The following TPPP variants were observed in gnomAD, a reference collection of about 807,000 sequenced individuals.
The protein encoded by TPPP is tubulin polymerization promoting protein.
Under a neutral mutation model 15.5 loss-of-function variants are expected in TPPP, and 6 were observed. The ratio of observed to expected loss-of-function variants is 0.39; its 90% CI spans 0.21 to 0.77. The LOEUF (loss-of-function observed/expected upper bound fraction) is 0.77. TPPP is among the 30% of genes least tolerant of loss of function. The probability of loss-of-function intolerance (pLI) is 0.42; values close to 1 mark genes in which losing one functional copy is unlikely to be tolerated. For synonymous variants in TPPP, 146 were observed against 133.9 expected (o/e 1.09, Z -0.63); for missense variants, 269 against 307.2 (o/e 0.88, Z 0.93).
At chr5:695,707 C>CT (rs143933039), upstream of TPPP, among the ~76,000 whole-genome samples, 19,667 of 135,926 alleles carry the variant, frequency 0.14, 207 homozygotes, top group African/African-American at 0.33. Context: ...GTGTCTGTCT[C>CT]TTCCTTTGCT....
At chr5:676,087 C>T (rs1740421663) in intron 2 of TPPP, 1 of 152,192 alleles carries the variant, frequency 6.6e-6, no homozygotes, top group Admixed American at 6.5e-5. Context: ...TCTGCCGTCC[C>T]CTAGAGCTGG....
At chr5:667,315 G>A (rs900083146) in intron 2 of TPPP, 7 of 152,280 alleles carry the variant, frequency 4.6e-5, no homozygotes, top group African/African-American at 1.7e-4. Context: ...AGGCAAGCCA[G>A]AGAGAAAGGA....
rs370706541 is a variant in TPPP at position 683,463 on chromosome 5, C to T, written c.-4-5399G>A. On this transcript the variant is annotated intron_variant, in intron 1 of 3. Coordinates refer to ENST00000360578, the MANE Select transcript of TPPP (RefSeq NM_007030.3). ...CTTCTGCCTGGCAGGAGCCGATGCTCGTGCCCTGGAGAACTCCCTGTTCAG... is the reference window on the plus strand; with the variant it reads ...CTTCTGCCTGGCAGGAGCCGATGCTTGTGCCCTGGAGAACTCCCTGTTCAG... Among the ~76,000 whole-genome samples, 5 of 152,348 alleles carry T rather than the reference C, an allele frequency of 3.3e-5. No homozygotes were observed. The South Asian group carries it at 1.0e-3, about 32-fold the overall frequency.
rs547341735 is a variant in TPPP, at chr5:665,097, G to A, written c.*5C>T. On this transcript the variant is annotated 3_prime_UTR_variant, in exon 4 of 4. Coordinates refer to ENST00000360578, the MANE Select transcript of TPPP (RefSeq NM_007030.3). ...CCGGCAGTGCCGCGAGGCATGGAGC[G>A]GGGGCTACTTGCCCCCTTGCACCTT... 5.9e-5 allele frequency: 95 copies of A among 1,608,054 alleles called. No individual in the cohort carries two copies. In the Admixed American group the frequency reaches 6.2e-4, roughly 10 times the overall value.
At chr5:688,846 C>T (rs1368109083) in intron 1 of TPPP, among the ~76,000 whole-genome samples, 18 of 117,938 alleles carry the variant, frequency 1.5e-4, no homozygotes, top group Middle Eastern at 4.0e-3. Flanking sequence ...AGAGGGTGGA[C>T]GCCCCAGATG....
chr5:683,258 A>T (rs1405144980), intron 1 of TPPP, among the ~76,000 whole-genome samples: 4 of 147,718 alleles, frequency 2.7e-5, no homozygotes, highest in Admixed American at 2.7e-4. Context: ...TCATGCAGGC[A>T]CAGCCCGAGG....
chr5:673,045 A>T (rs1046154640), intron 2 of TPPP, among the ~76,000 whole-genome samples: 3 of 152,188 alleles, frequency 2.0e-5, no homozygotes, highest in Non-Finnish European at 2.9e-5. Flanking sequence ...TGTCAGAGTC[A>T]GCAGCTTTCT....
chr5:676,843 C>T (rs1401535862), intron 2 of TPPP, among the ~76,000 whole-genome samples: 1 of 128,058 alleles, frequency 7.8e-6, no homozygotes, highest in Non-Finnish European at 1.5e-5. Context: ...CGTGCACACA[C>T]GACACAGAAA....
chr5:674,664 C>G (rs757500314), intron 2 of TPPP, among the ~76,000 whole-genome samples: 1 of 151,790 alleles, frequency 6.6e-6, no homozygotes, highest in Non-Finnish European at 1.5e-5. Context: ...CTGCCAGCAG[C>G]TGGCTGGGGC....
chr5:675,164 C>T (rs1740368336), intron 2 of TPPP, among the ~76,000 whole-genome samples: 1 of 107,756 alleles, frequency 9.3e-6, no homozygotes, highest in Admixed American at 1.1e-4. Flanking sequence ...TGCAGTGTGG[C>T]TGAGAATGCA....
chr5:668,871 C>G (rs912183391), intron 2 of TPPP, among the ~76,000 whole-genome samples: 1 of 152,218 alleles, frequency 6.6e-6, no homozygotes, highest in Non-Finnish European at 1.5e-5. Flanking sequence ...GGATACGCAC[C>G]CAACGCGGTG....
At chr5:669,905 G>A (rs929884685) in intron 2 of TPPP, among the ~76,000 whole-genome samples, 1 of 152,148 alleles carries the variant, frequency 6.6e-6, no homozygotes, top group Non-Finnish European at 1.5e-5. Context: ...ACATAGAGTG[G>A]GCCTGTCCTC....
rs375600737 is a variant in TPPP, at chr5:679,182, A to C, written c.-4-1118T>G. 3.7e-3 allele frequency among the ~76,000 whole-genome samples: 569 copies of C among 151,746 alleles called. 3 individuals carry two copies. The highest frequency in any genetic ancestry group is 0.012 in the African/African-American group (493 of 41,136). ...AGTCATGGCCAAAGTGTGGCTCTGTAATCGTGGGGTCCTGAGTGTGGCCGC... is the reference window on the plus strand; with the variant it reads ...AGTCATGGCCAAAGTGTGGCTCTGTCATCGTGGGGTCCTGAGTGTGGCCGC... On this transcript the variant is annotated intron_variant, in intron 1 of 3. Coordinates refer to ENST00000360578, the MANE Select transcript of TPPP (RefSeq NM_007030.3).
At chr5:693,443 G>GGCGCCCGCCCAGCGTCCC (rs1740951406), upstream of TPPP, 2 of 139,308 alleles carry the variant, frequency 1.4e-5, no homozygotes, top group Admixed American at 7.2e-5. Flanking sequence ...CCCAGCGTCC[G>GGCGCCCGCCCAGCGTCCC]GCGCCCGCCC....
intron 2 of TPPP, among the ~76,000 whole-genome samples, chr5:670,894 GCCAC>G (rs1451657137): frequency 6.6e-6 from 1 of 152,200 alleles, no homozygotes; most frequent in Non-Finnish European, 1.5e-5. Flanking sequence ...GTGATGTCTG[GCCAC>G]CTGAGAGGGC....
At position 663,526 on chromosome 5, in the gene TPPP, G is replaced by T. The variant is rs963557903; in HGVS notation, c.*1576C>A. On this transcript the variant is annotated 3_prime_UTR_variant, in exon 4 of 4. Coordinates refer to ENST00000360578, the MANE Select transcript of TPPP (RefSeq NM_007030.3). Reference sequence around the variant, plus strand: ...GGAGACCGCCCCCCAGCCCTCAGCGGACCATGCTGGCTGGGAGCTCCGCCC... The same window carrying T: ...GGAGACCGCCCCCCAGCCCTCAGCGTACCATGCTGGCTGGGAGCTCCGCCC... 1 of 152,464 alleles carries T rather than the reference G, an allele frequency of 6.6e-6. No individual in the cohort carries two copies. The highest frequency in any genetic ancestry group is 2.4e-5 in the African/African-American group (1 of 41,474). The allele number at this position is 152,464 out of a possible 1,614,324, so 9.4% of individuals were successfully genotyped here.
chr5:668,445 T>C (rs1158459935), intron 2 of TPPP, among the ~76,000 whole-genome samples: 1 of 126,354 alleles, frequency 7.9e-6, no homozygotes, highest in Non-Finnish European at 1.8e-5. Context: ...GTCAGGGAAG[T>C]GCGGACAAGC....
At chr5:700,550 C>T in the TPPP span, among the ~76,000 whole-genome samples, 2 of 151,966 alleles carry the variant, frequency 1.3e-5, no homozygotes, top group African/African-American at 2.4e-5. Context: ...GCAATATATG[C>T]ATGGAAGAAA....
intron 2 of TPPP, among the ~76,000 whole-genome samples, chr5:670,860 G>T (rs1740196330): frequency 6.6e-6 from 1 of 152,198 alleles, no homozygotes; most frequent in South Asian, 2.1e-4. Flanking sequence ...TCCACCAGCA[G>T]CTGAGCACCT....
Sources: allele counts gnomAD v4.1 joint callset (sites outside exome capture counted in the v4.1 genomes callset), GRCh38; gene constraint gnomAD v4.1.1; transcripts MANE v1.5; gene names NCBI Gene and HGNC (gene_info 2026-07-23, HGNC 2026-07-21).